The following UBE3A variants were observed in gnomAD, a reference collection of about 807,000 sequenced individuals.
The protein encoded by UBE3A is ubiquitin-protein ligase E3A.
Under a neutral mutation model 83.4 loss-of-function variants are expected in UBE3A, and 6 were observed. The observed-to-expected ratio is 0.07, with a 90% CI of 0.04 to 0.14. The LOEUF (loss-of-function observed/expected upper bound fraction) is 0.14. Ranked by LOEUF, UBE3A falls within the 10% of genes least tolerant of loss-of-function variation. The pLI, the probability that UBE3A is intolerant of heterozygous loss-of-function variation, is 1.00. For synonymous variants in UBE3A, 337 were observed against 355.4 expected, an observed-to-expected ratio of 0.95 and a Z score of 0.58; for missense variants, 456 against 1,036.1, an observed-to-expected ratio of 0.44 and a Z score of 7.69.
At chr15:25,380,240 C>T (rs566555908) in intron 4 of UBE3A, among the ~76,000 whole-genome samples, 1 of 149,408 alleles carries the variant, frequency 6.7e-6, no homozygotes, top group Non-Finnish European at 1.5e-5. Flanking sequence ...AATTAAACTT[C>T]TTTTTTTTTT....
In UBE3A at chr15:25,371,771, C is replaced by G; in HGVS notation, c.403G>C (p.Glu135Gln). Residue 135 changes from glutamate (E) to glutamine (Q), a missense_variant, in exon 6 of 13, where the codon GAA (glutamate) becomes CAA (glutamine). Glu to Gln is a conservative substitution (Grantham distance 29). Around this residue, in one of 13 missense-constraint regions of UBE3A, gnomAD observed 34 missense variants for 79.1 expected, o/e 0.43. Transcript: ENST00000648336. This position sits in a 1 kb window ranked among gnomAD's most constrained non-coding sequence, Gnocchi z 5.3. The part of the protein sequence containing the change: ...LTEEKVYEIL[E>Q]LCREREDYSP... ...TAATCCTCTCTTTCTCTACATAATTCAAGAATTTCATATACCTTCTCTTCT... is the reference window on the plus strand; with the variant it reads ...TAATCCTCTCTTTCTCTACATAATTGAAGAATTTCATATACCTTCTCTTCT... 1.2e-6 allele frequency: 2 copies of G among 1,612,620 alleles called. No homozygotes were observed. The highest frequency in any genetic ancestry group is 1.7e-6 in the Non-Finnish European group (2 of 1,179,910).
Position 25,336,667 on chromosome 15 carries a change from A to G in UBE3A, c.*2470T>C, listed in dbSNP as rs1199578963. ...TTTGCTGGAGCTGCCAAGGTCCAGA[A>G]AAGTTTGGCTGCAGGCTGTTTTCAT... On this transcript the variant is annotated 3_prime_UTR_variant, in exon 13 of 13. Transcript: ENST00000648336. 6.6e-6 allele frequency: 1 copy of G among 152,188 alleles called. No individual in the cohort carries two copies. The highest frequency in any genetic ancestry group is 1.5e-5 in the Non-Finnish European group (1 of 68,022). 9.4% of individuals were successfully genotyped at this position (152,188 alleles called of 1,614,324 possible).
intron 1 of UBE3A, among the ~76,000 whole-genome samples, chr15:25,427,197 T>C (rs949433562): frequency 1.3e-5 from 2 of 152,094 alleles, no homozygotes; most frequent in Admixed American, 6.5e-5. Flanking sequence ...TGATAAACAT[T>C]TACTGTTCTC....
In UBE3A at chr15:25,334,081, G is replaced by C. The variant is rs1447564471; in HGVS notation, c.*5056C>G. ...GTCACTTCTATCCAATATTGTACTG[G>C]AGGTGCTAGCCAGCACACTAAGGCA... On this transcript the variant is annotated 3_prime_UTR_variant, in exon 13 of 13. Coordinates refer to ENST00000648336, the MANE Select transcript of UBE3A (RefSeq NM_130839.5). 2 of 152,030 alleles carry C rather than the reference G, an allele frequency of 1.3e-5. No homozygotes were observed. Among genetic ancestry groups the C allele is most frequent in the Non-Finnish European group, 2.9e-5 (2 of 68,008 alleles). 9.4% of individuals were successfully genotyped at this position (152,030 alleles called of 1,614,324 possible). A position where few individuals can be genotyped will look rare whatever the true frequency, so the allele number is the denominator to read the frequency against.
At chr15:25,415,163 T>A (rs1050688202) in intron 1 of UBE3A, among the ~76,000 whole-genome samples, 14 of 152,198 alleles carry the variant, frequency 9.2e-5, no homozygotes, top group South Asian at 2.1e-4. Flanking sequence ...TTACCAACAC[T>A]GTCCTACTAC....
chr15:25,361,160 C>T (rs1281374534), intron 6 of UBE3A, among the ~76,000 whole-genome samples: 1 of 143,338 alleles, frequency 7.0e-6, no homozygotes, highest in African/African-American at 2.6e-5. Flanking sequence ...AAATCTCACT[C>T]TGTCGCCTAG....
In UBE3A at chr15:25,341,545, C is replaced by CCTGAGGTCA. The variant is rs1371221178; in HGVS notation, c.2355-1326_2355-1318dup. On this transcript the variant is annotated intron_variant, in intron 11 of 12. Transcript: ENST00000648336. ...TTGGGAGGCTGAGGCCAGTGGATCA[C>CCTGAGGTCA]CTGAGGTCAGGGGTTCAAGATCAGC... Among the ~76,000 whole-genome samples, 6 of 151,524 alleles carry CCTGAGGTCA rather than the reference C, an allele frequency of 4.0e-5. No homozygotes were observed. The East Asian group carries it at 9.7e-4, about 25-fold the overall frequency.
chr15:25,375,450 A>C lies in UBE3A; in HGVS notation c.361+15T>G. On this transcript the variant is annotated intron_variant, in intron 5 of 12. Coordinates refer to ENST00000648336, the MANE Select transcript of UBE3A (RefSeq NM_130839.5). ...TTTCAGGCAACAATTCTCAATTGAA[A>C]ATAAAACATCTTACCTTTAAAATCA... 3 of 1,613,210 alleles carry C rather than the reference A, an allele frequency of 1.9e-6. No individual in the cohort carries two copies. The highest frequency in any genetic ancestry group is 2.5e-6 in the Non-Finnish European group (3 of 1,179,668).
chr15:25,398,252 A>T (rs376830709), intron 4 of UBE3A, among the ~76,000 whole-genome samples: 1 of 152,096 alleles, frequency 6.6e-6, no homozygotes, highest in African/African-American at 2.4e-5. Context: ...CAAAATATGT[A>T]TACACTGTGG....
At chr15:25,388,858 C>T (rs2083683498) in intron 4 of UBE3A, among the ~76,000 whole-genome samples, 1 of 152,140 alleles carries the variant, frequency 6.6e-6, no homozygotes, top group Non-Finnish European at 1.5e-5. Flanking sequence ...AAACACAATA[C>T]CATTTTACAT....
At chr15:25,431,752 T>C (rs1164529300) in intron 1 of UBE3A, among the ~76,000 whole-genome samples, 1 of 152,216 alleles carries the variant, frequency 6.6e-6, no homozygotes, top group Non-Finnish European at 1.5e-5. Context: ...ATTTATCCAT[T>C]AGTATACGTA....
chr15:25,339,152 T>A lies in UBE3A; in HGVS notation c.2604A>T (p.Gly868=), dbSNP rs965417906. ...RLLKAITYAK[G]FGML ...TTGTTTTGTTTTACAGCATGCCAAATCCTTTGGCATACGTGATGGCCTTCA... is the reference window on the plus strand; with the variant it reads ...TTGTTTTGTTTTACAGCATGCCAAAACCTTTGGCATACGTGATGGCCTTCA... Residue 868 remains glycine (G), a synonymous_variant, in exon 13 of 13, where the codon GGA becomes GGT. Coordinates refer to ENST00000648336, the MANE Select transcript of UBE3A (RefSeq NM_130839.5). The A allele has an allele frequency of 5.0e-6, 8 of 1,603,156 alleles. No homozygotes were observed. The highest frequency in any genetic ancestry group is 6.8e-6 in the Non-Finnish European group (8 of 1,174,664).
rs551124291 is a variant in UBE3A, at chr15:25,378,376, C to T, written c.63-2613G>A. Among the ~76,000 whole-genome samples the T allele has an allele frequency of 2.6e-5, 4 of 152,186 alleles. No individual in the cohort carries two copies. The East Asian group carries it at 5.8e-4, about 22-fold the overall frequency. Reference sequence around the variant, plus strand: ...GATCCTAGGGAAACAATTGTCTGGGCCTCAGTTTTCCCAGCTTTATGAGTC... The same window carrying T: ...GATCCTAGGGAAACAATTGTCTGGGTCTCAGTTTTCCCAGCTTTATGAGTC... On this transcript the variant is annotated intron_variant, in intron 4 of 12. Coordinates refer to ENST00000648336, the MANE Select transcript of UBE3A (RefSeq NM_130839.5).
chr15:25,367,502 T>C (rs181672139), intron 6 of UBE3A, among the ~76,000 whole-genome samples: 247 of 152,084 alleles, frequency 1.6e-3, no homozygotes, highest in African/African-American at 5.7e-3. Flanking sequence ...GGCAGTAAGT[T>C]AAACGGGTAG....
At chr15:25,359,418 C>CGTGTGTGTGTGTGT (rs60677664) in intron 7 of UBE3A, among the ~76,000 whole-genome samples, 19 of 139,016 alleles carry the variant, frequency 1.4e-4, no homozygotes, top group South Asian at 5.2e-4. Context: ...ATAAGGGATG[C>CGTGTGTGTGTGTGT]GTGTGTGTGT....
At chr15:25,341,952 A>G (rs1393717696) in intron 11 of UBE3A, among the ~76,000 whole-genome samples, 1 of 152,162 alleles carries the variant, frequency 6.6e-6, no homozygotes, top group Non-Finnish European at 1.5e-5. Flanking sequence ...GAAATAACTT[A>G]AAAGTTTTAT....
At position 25,371,693 on chromosome 15, in the gene UBE3A, C is replaced by A; in HGVS notation, c.481G>T (p.Val161Leu). 1 of 1,614,014 alleles carries A rather than the reference C, an allele frequency of 6.2e-7. No homozygotes were observed. Among genetic ancestry groups the A allele is most frequent in the South Asian group, 1.1e-5 (1 of 91,072 alleles). The stretch of plus-strand genomic sequence containing the variant: ...TGTTTAACTTTCCGGAAGCTCTGTA[C>A]CAATGCCTCAGCACTAGAAAAAACT... ...GRVFSSAEAL[V>L]QSFRKVKQHT... is the part of the protein sequence containing the mutation. The change falls in exon 6 of 13, where the codon GTA becomes TTA. Residue 161 changes from valine to leucine, a missense_variant. Val to Leu is a conservative substitution (Grantham distance 32). Around this residue, in one of 13 missense-constraint regions of UBE3A, gnomAD observed 34 missense variants for 79.1 expected, o/e 0.43. Coordinates refer to ENST00000648336, the MANE Select transcript of UBE3A (RefSeq NM_130839.5). The surrounding 1 kb of genome is among the most constrained non-coding windows in gnomAD (Gnocchi z 5.3).
intron 4 of UBE3A, among the ~76,000 whole-genome samples, chr15:25,382,624 T>C (rs1267378187): frequency 6.1e-5 from 9 of 146,942 alleles, no homozygotes; most frequent in Middle Eastern, 6.7e-3. Context: ...TAGAGAAAAA[T>C]AGAAAATTTT....
At position 25,438,493 on chromosome 15, in the gene UBE3A, C is replaced by A; in HGVS notation, c.-169G>T. On this transcript the variant is annotated 5_prime_UTR_variant, in exon 1 of 13. Transcript: ENST00000648336. The stretch of plus-strand genomic sequence containing the variant: ...GCAGGCCGCGGCAACACTGACCTGT[C>A]GTCGCCCCCGCGCCTGGGCTGCGGC... The A allele has an allele frequency of 6.6e-6, 1 of 152,440 alleles. No individual in the cohort carries two copies. Among genetic ancestry groups the A allele is most frequent in the South Asian group, 2.0e-4 (1 of 4,938 alleles). 9.4% of individuals were successfully genotyped at this position (152,440 alleles called of 1,614,324 possible).
Sources: allele counts gnomAD v4.1 joint callset (sites outside exome capture counted in the v4.1 genomes callset), GRCh38; gene constraint gnomAD v4.1.1; regional missense constraint gnomAD v4.1.1; non-coding constraint Gnocchi (gnomAD v3.1); transcripts MANE v1.5; gene names NCBI Gene and HGNC (gene_info 2026-07-23, HGNC 2026-07-21).